The following MBP variants were observed in gnomAD, a reference collection of about 807,000 sequenced individuals.
MBP encodes myelin basic protein.
Under a neutral mutation model 35.8 loss-of-function variants are expected in MBP, and 16 were observed. That is an observed-to-expected ratio of 0.45 (90% CI 0.30 to 0.68). The LOEUF is 0.68. Among genes scored for constraint, MBP ranks in the 30% least tolerant of loss-of-function variants. MBP has a pLI of 0.08. For missense variants in MBP, 380 were observed against 404.7 expected, an observed-to-expected ratio of 0.94 and a Z score of 0.52; for synonymous variants, 143 against 159.6, an observed-to-expected ratio of 0.90 and a Z score of 0.78.
At chr18:77,000,839 C>T (rs1163500060) in intron 4 of MBP, among the ~76,000 whole-genome samples, 1 of 152,190 alleles carries the variant, frequency 6.6e-6, no homozygotes, top group African/African-American at 2.4e-5. Context: ...TGAAGATCAG[C>T]GGCTGCAGGG....
At chr18:77,001,560 C>T (rs994463887) in intron 4 of MBP, among the ~76,000 whole-genome samples, 1 of 152,150 alleles carries the variant, frequency 6.6e-6, no homozygotes, top group Admixed American at 6.5e-5. Flanking sequence ...TAAGAAAATG[C>T]CCGTAAGAGG....
chr18:77,079,968 C>A lies in MBP; in HGVS notation c.52-13583G>T, dbSNP rs547564424. 5.9e-5 allele frequency among the ~76,000 whole-genome samples: 9 copies of A among 152,298 alleles called. No homozygotes were observed. In the South Asian group the frequency reaches 1.9e-3, roughly 32 times the overall value. ...CAACTAGAGTGCAAGAAGCGAGAAT[C>A]AAGTCTACTAGTATTTTATGTGGAT... is the stretch of plus-strand genomic sequence containing the variant. On this transcript the variant is annotated intron_variant, in intron 2 of 8. Coordinates refer to ENST00000355994, the MANE Select transcript of MBP (RefSeq NM_001025101.2).
chr18:77,089,088 C>G (rs1307065390), intron 2 of MBP, among the ~76,000 whole-genome samples: 1 of 152,256 alleles, frequency 6.6e-6, no homozygotes, highest in African/African-American at 2.4e-5. Context: ...GTCACATCCT[C>G]CCACGGGACA....
rs1204959111 is a variant in MBP at position 76,989,433 on chromosome 18, CTG to C, written c.681+521_681+522del. The stretch of plus-strand genomic sequence containing the variant: ...TGGCACTTTTCGGTTTACAGAAAAA[CTG>C]TGCAGAAATTAGTTTCCACATACCC... On this transcript the variant is annotated intron_variant, in intron 5 of 8. Coordinates refer to ENST00000355994, the MANE Select transcript of MBP (RefSeq NM_001025101.2). This position sits in a 1 kb window ranked among gnomAD's most constrained non-coding sequence, Gnocchi z 4.0. Among the ~76,000 whole-genome samples the C allele has an allele frequency of 3.3e-5, 5 of 152,148 alleles. No homozygotes were observed. Among genetic ancestry groups the C allele is most frequent in the Non-Finnish European group, 5.9e-5 (4 of 68,024 alleles).
intron 1 of MBP, among the ~76,000 whole-genome samples, chr18:77,130,308 C>T (rs1211602310): frequency 2.0e-5 from 3 of 151,038 alleles, no homozygotes; most frequent in African/African-American, 4.9e-5. Context: ...AGCAGTCAGG[C>T]GCTGGTGCAG....
intron 1 of MBP, among the ~76,000 whole-genome samples, chr18:77,110,787 A>ATACATGT (rs1398740635): frequency 6.6e-6 from 1 of 152,200 alleles, no homozygotes; most frequent in Non-Finnish European, 1.5e-5. Context: ...TGTTATACCT[A>ATACATGT]AACAGACACA....
At chr18:77,018,743 T>G (rs1971823689) in intron 3 of MBP, among the ~76,000 whole-genome samples, 1 of 138,634 alleles carries the variant, frequency 7.2e-6, no homozygotes, top group South Asian at 2.6e-4. Flanking sequence ...CCTCCATCTA[T>G]CCACTCATCC....
At chr18:77,010,213 C>T (rs1971267169) in intron 4 of MBP, 1 of 465,948 alleles carries the variant, frequency 2.1e-6, no homozygotes, top group Non-Finnish European at 3.9e-6. Flanking sequence ...GAATTCTCTC[C>T]TCCAAAGTCT....
Position 76,989,002 on chromosome 18 carries a change from G to A in MBP, c.682-90C>T, listed in dbSNP as rs115690458. 3.5e-3 allele frequency: 4,479 copies of A among 1,267,130 alleles called. 91 individuals are homozygous for A. In the African/African-American group the frequency reaches 0.054, roughly 15 times the overall value. 78.5% of individuals were successfully genotyped at this position (1,267,130 alleles called of 1,614,324 possible). Reference sequence around the variant, plus strand: ...GGCTCCTGCCTGCTGAGGGTGGCTAGCATCCATCAGCTGCCAGAAGCACCC... The same window carrying A: ...GGCTCCTGCCTGCTGAGGGTGGCTAACATCCATCAGCTGCCAGAAGCACCC... On this transcript the variant is annotated intron_variant, in intron 5 of 8. Transcript: ENST00000355994. This position sits in a 1 kb window ranked among gnomAD's most constrained non-coding sequence, Gnocchi z 4.0.
At chr18:77,083,884 T>C (rs1027984897) in intron 2 of MBP, among the ~76,000 whole-genome samples, 4 of 152,164 alleles carry the variant, frequency 2.6e-5, no homozygotes, top group Non-Finnish European at 4.4e-5. Context: ...AGGTTTCTTT[T>C]GGAGGTGAAG....
At chr18:77,112,880 GT>G in intron 1 of MBP, 1 of 152,334 alleles carries the variant, frequency 6.6e-6, no homozygotes, top group Middle Eastern at 3.4e-3. Flanking sequence ...TTAAGATGAG[GT>G]CATCCTGGAT....
chr18:76,999,004 G>A (rs911551096), intron 4 of MBP, among the ~76,000 whole-genome samples: 13 of 150,008 alleles, frequency 8.7e-5, no homozygotes, highest in African/African-American at 2.9e-4. Context: ...GGGTTTAAGA[G>A]CAGTGTTTTG....
chr18:77,050,333 T>A (rs977706184), intron 3 of MBP, among the ~76,000 whole-genome samples: 3 of 152,244 alleles, frequency 2.0e-5, no homozygotes, highest in African/African-American at 7.2e-5. Flanking sequence ...ACTAAGTATT[T>A]TAAAATAATT....
In MBP at chr18:77,013,269, G is replaced by A. The variant is rs567544412; in HGVS notation, c.576+3563C>T. 2.6e-5 allele frequency: 26 copies of A among 985,380 alleles called. No homozygotes were observed. In the South Asian group the frequency reaches 8.5e-4, roughly 32 times the overall value. 61.0% of individuals were successfully genotyped at this position (985,380 alleles called of 1,614,324 possible). Reference sequence around the variant, plus strand: ...TGGATCAGTTACCATGCAAGCTCACGATGAATGAGATTGAATTTGGTTCTG... The same window carrying A: ...TGGATCAGTTACCATGCAAGCTCACAATGAATGAGATTGAATTTGGTTCTG... On this transcript the variant is annotated intron_variant, in intron 4 of 8. Coordinates refer to ENST00000355994, the MANE Select transcript of MBP (RefSeq NM_001025101.2).
intron 3 of MBP, among the ~76,000 whole-genome samples, chr18:77,018,158 C>G (rs1399007367): frequency 6.6e-6 from 1 of 152,002 alleles, no homozygotes; most frequent in Non-Finnish European, 1.5e-5. Flanking sequence ...CCCATCCATC[C>G]ATCTATCCAT....
At chr18:77,007,835 A>G (rs1333372332) in intron 4 of MBP, among the ~76,000 whole-genome samples, 1 of 152,192 alleles carries the variant, frequency 6.6e-6, no homozygotes, top group Non-Finnish European at 1.5e-5. Flanking sequence ...TAGAGGATTT[A>G]CTTATCTTTG....
chr18:77,069,423 G>A (rs1974340187), intron 2 of MBP, among the ~76,000 whole-genome samples: 1 of 152,166 alleles, frequency 6.6e-6, no homozygotes, highest in East Asian at 1.9e-4. Flanking sequence ...AATAATAAGT[G>A]TTATTTAAGA....
At chr18:77,047,169 C>G (rs992357040) in intron 3 of MBP, among the ~76,000 whole-genome samples, 1 of 152,228 alleles carries the variant, frequency 6.6e-6, no homozygotes, top group Non-Finnish European at 1.5e-5. Flanking sequence ...CCTATGTCCA[C>G]GGGAAACCCT....
Position 77,044,371 on chromosome 18 carries a change from C to T in MBP, c.139+21927G>A, listed in dbSNP as rs1973137326. On this transcript the variant is annotated intron_variant, in intron 3 of 8. Transcript: ENST00000355994. The surrounding 1 kb of genome is among the most constrained non-coding windows in gnomAD (Gnocchi z 4.4). Reference sequence around the variant, plus strand: ...ACCTCCCCCAACTCTGCTGCAGCTGCCGTGGTGCCAGCCCCCTGCCCCTCT... The same window carrying T: ...ACCTCCCCCAACTCTGCTGCAGCTGTCGTGGTGCCAGCCCCCTGCCCCTCT... Among the ~76,000 whole-genome samples, 1 of 152,112 alleles carries T rather than the reference C, an allele frequency of 6.6e-6. No individual in the cohort carries two copies. The highest frequency in any genetic ancestry group is 1.5e-5 in the Non-Finnish European group (1 of 68,010).
Sources: gnomAD v4.1 joint callset for allele counts (sites outside exome capture counted in the v4.1 genomes callset) on GRCh38, gnomAD v4.1.1 for gene constraint, Gnocchi (gnomAD v3.1) non-coding constraint, MANE v1.5 for transcripts, NCBI Gene and HGNC (gene_info 2026-07-23, HGNC 2026-07-21) for gene names.